Variants in PRELID2 observed in about 807,000 individuals in gnomAD.
PRELID2 encodes the protein PRELI domain containing 2, also known as PRELI domain-containing protein 2.
In PRELID2, 25 loss-of-function variants were observed where a neutral mutation model predicts 28.4. The observed-to-expected ratio is 0.88, with a 90% CI of 0.64 to 1.23. The LOEUF (loss-of-function observed/expected upper bound fraction) is 1.23. Among genes scored for constraint, PRELID2 ranks in the 50% most tolerant of loss-of-function variants. The pLI is 0.00. For missense variants in PRELID2, 201 were observed against 214.4 expected, an observed-to-expected ratio of 0.94 and a Z score of 0.39; for synonymous variants, 76 against 71.6, an observed-to-expected ratio of 1.06 and a Z score of -0.31.
chr5:145,275,380 G>C, the PRELID2 span, among the ~76,000 whole-genome samples: 2 of 152,200 alleles, frequency 1.3e-5, no homozygotes, highest in Non-Finnish European at 2.9e-5. Flanking sequence ...GCCTGAAATA[G>C]GGGAGGGTCC....
At chr5:145,283,173 C>T in the PRELID2 span, among the ~76,000 whole-genome samples, 1 of 152,176 alleles carries the variant, frequency 6.6e-6, no homozygotes, top group African/African-American at 2.4e-5. Flanking sequence ...CCTCTCCAGA[C>T]AGAGCAATGC....
chr5:145,507,821 T>C (rs1752425175), intron 1 of PRELID2, among the ~76,000 whole-genome samples: 1 of 152,182 alleles, frequency 6.6e-6, no homozygotes, highest in African/African-American at 2.4e-5. Context: ...AGTCCTTTTA[T>C]TGCTCATCAT....
intron 1 of PRELID2, among the ~76,000 whole-genome samples, chr5:145,589,556 A>T (rs774309011): frequency 7.2e-5 from 11 of 151,854 alleles, no homozygotes; most frequent in Non-Finnish European, 1.3e-4. Context: ...GTAAGGCTGA[A>T]TTTTTTTTCA....
chr5:145,582,255 A>G (rs1753113783), intron 1 of PRELID2, among the ~76,000 whole-genome samples: 1 of 152,038 alleles, frequency 6.6e-6, no homozygotes, highest in South Asian at 2.1e-4. Context: ...AAAGAGGTTT[A>G]TTGACTCACA....
chr5:145,253,932 C>T, the PRELID2 span, among the ~76,000 whole-genome samples: 1,239 of 151,994 alleles, frequency 8.2e-3, 18 homozygotes, highest in Non-Finnish European at 9.4e-3. Flanking sequence ...TGTCTCTGAG[C>T]CTTAATTTCC....
At chr5:145,484,106 G>T (rs770826405) in intron 1 of PRELID2, among the ~76,000 whole-genome samples, 3 of 152,210 alleles carry the variant, frequency 2.0e-5, no homozygotes, top group Non-Finnish European at 4.4e-5. Flanking sequence ...AAGTGCCACA[G>T]GCAAGGAATC....
chr5:145,573,843 G>C (rs1308479785), intron 1 of PRELID2, among the ~76,000 whole-genome samples: 1 of 152,120 alleles, frequency 6.6e-6, no homozygotes, highest in African/African-American at 2.4e-5. Context: ...AAGGGGAGTG[G>C]AGGAACCCAC....
chr5:145,673,953 C>A (rs968673644), intron 1 of PRELID2, among the ~76,000 whole-genome samples: 3 of 152,130 alleles, frequency 2.0e-5, no homozygotes, highest in African/African-American at 7.2e-5. Context: ...GTACCAACAT[C>A]ATAAAGTTGG....
the PRELID2 span, among the ~76,000 whole-genome samples, chr5:145,274,231 G>A: frequency 3.3e-5 from 5 of 152,038 alleles, no homozygotes; most frequent in South Asian, 2.1e-4. Context: ...CTATAGTTAC[G>A]ACAATAGAAT....
chr5:145,397,111 C>T, the PRELID2 span, among the ~76,000 whole-genome samples: 2 of 152,060 alleles, frequency 1.3e-5, no homozygotes, highest in East Asian at 1.9e-4. Flanking sequence ...AGTCAGACCC[C>T]TATCCTGAAT....
intron 5 of PRELID2, among the ~76,000 whole-genome samples, chr5:145,778,712 C>T (rs1236643854): frequency 6.6e-6 from 1 of 152,198 alleles, no homozygotes; most frequent in East Asian, 1.9e-4. Context: ...CTTGCTCACA[C>T]ACCCCTCGCT....
chr5:145,385,676 G>A, the PRELID2 span, among the ~76,000 whole-genome samples: 2 of 152,124 alleles, frequency 1.3e-5, no homozygotes, highest in Non-Finnish European at 2.9e-5. Context: ...AGTACAGATA[G>A]CACCAGACAA....
At chr5:145,351,456 A>C in the PRELID2 span, among the ~76,000 whole-genome samples, 1 of 152,168 alleles carries the variant, frequency 6.6e-6, no homozygotes, top group Non-Finnish European at 1.5e-5. Flanking sequence ...CACTATCACA[A>C]GAACAGCATG....
chr5:145,403,832 A>G, the PRELID2 span, among the ~76,000 whole-genome samples: 2 of 152,148 alleles, frequency 1.3e-5, no homozygotes, highest in Non-Finnish European at 2.9e-5. Flanking sequence ...CAAAATCTAT[A>G]TGTAATATAG....
chr5:145,586,222 T>G (rs1449965688), intron 1 of PRELID2, among the ~76,000 whole-genome samples: 1 of 152,092 alleles, frequency 6.6e-6, no homozygotes, highest in Non-Finnish European at 1.5e-5. Flanking sequence ...AGAAATGCCC[T>G]TTATTGCTGT....
the PRELID2 span, among the ~76,000 whole-genome samples, chr5:145,359,612 T>C: frequency 1.3e-5 from 2 of 152,210 alleles, no homozygotes; most frequent in African/African-American, 4.8e-5. Context: ...TTTGCTCCTC[T>C]ACTATCGAAA....
At chr5:145,356,900 C>A in the PRELID2 span, among the ~76,000 whole-genome samples, 1 of 152,110 alleles carries the variant, frequency 6.6e-6, no homozygotes, top group African/African-American at 2.4e-5. Context: ...CATATTTATC[C>A]CTCACTTAAG....
intron 1 of PRELID2, among the ~76,000 whole-genome samples, chr5:145,621,443 A>T (rs767927347): frequency 5.9e-5 from 9 of 152,178 alleles, no homozygotes; most frequent in Non-Finnish European, 1.0e-4. Flanking sequence ...AAACTTGTAC[A>T]CACCACTGTT....
At chr5:145,802,544 C>A (rs1468906668) in intron 4 of PRELID2, among the ~76,000 whole-genome samples, 3 of 152,122 alleles carry the variant, frequency 2.0e-5, no homozygotes, top group Non-Finnish European at 4.4e-5. Context: ...TATAATACAT[C>A]TCAATACTTG....
Sources: allele counts gnomAD v4.1 joint callset (sites outside exome capture counted in the v4.1 genomes callset), GRCh38; gene constraint gnomAD v4.1.1; transcripts MANE v1.5; gene names NCBI Gene and HGNC (gene_info 2026-07-23, HGNC 2026-07-21).